Variants in ZNF276 observed in about 807,000 individuals in gnomAD.
ZNF276 encodes zinc finger protein 276, also known as centromere protein Z.
In ZNF276, 59 loss-of-function variants were observed where a neutral mutation model predicts 63.9. The ratio of observed to expected loss-of-function variants is 0.92; its 90% CI spans 0.75 to 1.15. ZNF276 has a LOEUF of 1.15. ZNF276 is among the 50% of genes most tolerant of loss of function. The pLI, the probability that ZNF276 is intolerant of heterozygous loss-of-function variation, is 0.00. For missense variants in ZNF276, 1,084 were observed against 843.8 expected (o/e 1.28, Z -3.53); for synonymous variants, 496 against 348.4 (o/e 1.42, Z -4.72).
At position 89,733,998 on chromosome 16, in the gene ZNF276, C is replaced by A. The variant is rs547301381; in HGVS notation, c.1434C>A (p.Ile478=). ...PHPGCNKVFM[I]DRYLQRHVKL... ...CTGGCTGCAACAAGGTTTTCATGAT[C>A]GACCGCTACCTGCAGCGCCACGTGA... is the stretch of plus-strand genomic sequence containing the variant. Residue 478 remains isoleucine (I), a synonymous_variant, in exon 9 of 11, where the codon ATC becomes ATA. Transcript: ENST00000443381. 1.9e-5 allele frequency: 31 copies of A among 1,614,084 alleles called. No individual in the cohort carries two copies. In the East Asian group the frequency reaches 4.2e-4, roughly 22 times the overall value.
At position 89,739,930 on chromosome 16, in the gene ZNF276, A is replaced by G. The variant is rs762430138; in HGVS notation, c.*1684A>G. 2.5e-6 allele frequency: 4 copies of G among 1,605,686 alleles called. No homozygotes were observed. Among genetic ancestry groups the G allele is most frequent in the Admixed American group, 3.4e-5 (2 of 59,620 alleles). ...CCTCAAGGAGGGCTCGTTCTTAACC[A>G]TTTGCAAGATGCCTCTGAAAAGAGC... On this transcript the variant is annotated 3_prime_UTR_variant, in exon 11 of 11. Transcript: ENST00000443381.
At position 89,737,879 on chromosome 16, in the gene ZNF276, G is replaced by A; in HGVS notation, c.1548G>A (p.Met516Ile). 1 of 1,613,990 alleles carries A rather than the reference G, an allele frequency of 6.2e-7. No individual in the cohort carries two copies. Among genetic ancestry groups the A allele is most frequent in the Non-Finnish European group, 8.5e-7 (1 of 1,180,000 alleles). ...KQRKHLLVHQ[M>I]RHSGAKPLQC... ...GGAAGCACCTTCTCGTCCACCAAATGCGACATTCGGGAGCCAAGCCTTTGC... is the reference window on the plus strand; with the variant it reads ...GGAAGCACCTTCTCGTCCACCAAATACGACATTCGGGAGCCAAGCCTTTGC... The change falls in exon 10 of 11, where the codon ATG becomes ATA. Residue 516 changes from methionine to isoleucine, a missense_variant. By Grantham distance (10) the Met-to-Ile change is conservative. Transcript: ENST00000443381.
chr16:89,723,938 C>T (rs941526337), intron 4 of ZNF276, among the ~76,000 whole-genome samples: 1 of 152,244 alleles, frequency 6.6e-6, no homozygotes, highest in Non-Finnish European at 1.5e-5. Flanking sequence ...GGCTCTGTTC[C>T]AGCAGTTTCT....
At chr16:89,723,107 C>G in intron 2 of ZNF276, 30 bp from the exon 3 acceptor site, 1 of 1,613,122 alleles carries the variant, frequency 6.2e-7, no homozygotes, top group South Asian at 1.1e-5. Flanking sequence ...GCCTGCTTGT[C>G]CTGCTCATGG....
chr16:89,735,642 A>G (rs1475895540), intron 9 of ZNF276, among the ~76,000 whole-genome samples: 1 of 152,054 alleles, frequency 6.6e-6, no homozygotes, highest in Non-Finnish European at 1.5e-5. Context: ...AGGCTAAGGC[A>G]GTAGGATTGC....
At chr16:89,732,560 G>GTT (rs2061688690) in intron 6 of ZNF276, 3 of 163,314 alleles carry the variant, frequency 1.8e-5, no homozygotes, top group Admixed American at 1.8e-4. Flanking sequence ...CTAGTTGTGG[G>GTT]TTTTATGTGT....
At position 89,740,138 on chromosome 16, in the gene ZNF276, C is replaced by T. The variant is rs779242247; in HGVS notation, c.*1892C>T. Reference sequence around the variant, plus strand: ...GAGACCAACCCTGAGAATGGCCGACCTGGTGCTCCCATGGGTAGGAGGGTA... The same window carrying T: ...GAGACCAACCCTGAGAATGGCCGACTTGGTGCTCCCATGGGTAGGAGGGTA... On this transcript the variant is annotated 3_prime_UTR_variant, in exon 11 of 11. Transcript: ENST00000443381. 6.5e-7 allele frequency: 1 copy of T among 1,531,898 alleles called. No homozygotes were observed. Among genetic ancestry groups the T allele is most frequent in the Non-Finnish European group, 9.0e-7 (1 of 1,106,040 alleles). The allele number at this position is 1,531,898 out of a possible 1,614,324, so 94.9% of individuals were successfully genotyped here.
chr16:89,727,772 G>A (rs2061513564), intron 5 of ZNF276, among the ~76,000 whole-genome samples: 1 of 152,194 alleles, frequency 6.6e-6, no homozygotes, highest in South Asian at 2.1e-4. Flanking sequence ...ACTGTTTTAG[G>A]GCCATAGTTT....
Position 89,737,810 on chromosome 16 carries a change from G to T in ZNF276, c.1479G>T (p.Val493=). 6.2e-7 allele frequency: 1 copy of T among 1,614,184 alleles called. No individual in the cohort carries two copies. Reference sequence around the variant, plus strand: ...CACTGGACTCTCCCCTCTCAGAGGTGCGGAACTATATCTGTGACGAATGTG... The same window carrying T: ...CACTGGACTCTCCCCTCTCAGAGGTTCGGAACTATATCTGTGACGAATGTG... ...QRHVKLIHTE[V]RNYICDECGQ... Residue 493 remains valine (V), a synonymous_variant, in exon 10 of 11, where the codon GTG becomes GTT. Transcript: ENST00000443381.
Position 89,740,076 on chromosome 16 carries a change from A to G in ZNF276, c.*1830A>G, listed in dbSNP as rs1336742102. 1.2e-6 allele frequency: 2 copies of G among 1,614,186 alleles called. No homozygotes were observed. Among genetic ancestry groups the G allele is most frequent in the Non-Finnish European group, 1.7e-6 (2 of 1,180,032 alleles). On this transcript the variant is annotated 3_prime_UTR_variant, in exon 11 of 11. Coordinates refer to ENST00000443381, the MANE Select transcript of ZNF276 (RefSeq NM_001113525.2). ...CGAGGATTGCTGCACAAACGTGGAAAGCCTTTGGCAGGTCTGTGGTGCTCT... is the reference window on the plus strand; with the variant it reads ...CGAGGATTGCTGCACAAACGTGGAAGGCCTTTGGCAGGTCTGTGGTGCTCT...
rs548198509 is a variant in ZNF276, at chr16:89,740,255, C to T, written c.*2009C>T. 26 of 714,394 alleles carry T rather than the reference C, an allele frequency of 3.6e-5. No homozygotes were observed. Among genetic ancestry groups the T allele is most frequent in the Non-Finnish European group, 6.0e-5 (24 of 397,216 alleles). The allele number at this position is 714,394 out of a possible 1,614,324, so 44.3% of individuals were successfully genotyped here. On this transcript the variant is annotated 3_prime_UTR_variant, in exon 11 of 11. Transcript: ENST00000443381. Reference sequence around the variant, plus strand: ...TTACCTATAGAAGGTAATACTGGGCCTCTGGACAGAAGAGGCTCAGGTAGG... The same window carrying T: ...TTACCTATAGAAGGTAATACTGGGCTTCTGGACAGAAGAGGCTCAGGTAGG...
intron 9 of ZNF276, 188 bp from the exon 10 acceptor site, chr16:89,737,618 G>C: frequency 8.9e-7 from 1 of 1,127,752 alleles, no homozygotes; most frequent in Non-Finnish European, 1.2e-6. Context: ...GAAGCCACGT[G>C]ACAGTGTATA....
intron 9 of ZNF276, among the ~76,000 whole-genome samples, chr16:89,736,501 T>A (rs1478404486): frequency 1.3e-5 from 2 of 151,790 alleles, no homozygotes; most frequent in Non-Finnish European, 2.9e-5. Flanking sequence ...ATTTTTGTAT[T>A]TTTAGTAGAG....
upstream of ZNF276, chr16:89,720,679 C>G (rs2151650034): frequency 7.8e-7 from 1 of 1,282,694 alleles, no homozygotes; most frequent in East Asian, 3.4e-5. Flanking sequence ...CCAGCCCGAG[C>G]CGGCCCCGTC....
At chr16:89,727,395 C>T (rs763414343) in intron 5 of ZNF276, 38 bp downstream of exon 5, 4 of 1,594,036 alleles carry the variant, frequency 2.5e-6, no homozygotes, top group Non-Finnish European at 3.4e-6. Flanking sequence ...TAAAATTTCT[C>T]CTTCAAAAAC....
In ZNF276 at chr16:89,738,863, G is replaced by T. The variant is rs1272834434; in HGVS notation, c.*617G>T. The T allele has an allele frequency of 1.9e-6, 3 of 1,614,128 alleles. No homozygotes were observed. The African/African-American group carries it at 4.0e-5, about 22-fold the overall frequency. On this transcript the variant is annotated 3_prime_UTR_variant, in exon 11 of 11. Transcript: ENST00000443381. ...TCTCATGTCCCCCACATGGCCCAAG[G>T]TGGGCATCTTGACGTTACCTCTGCC...
Position 89,721,776 on chromosome 16 carries a change from A to ACGGCG in ZNF276, c.144_148dup (p.Ala50GlyfsTer141). The ACGGCG allele has an allele frequency of 1.6e-6, 2 of 1,263,902 alleles. No homozygotes were observed. Among genetic ancestry groups the ACGGCG allele is most frequent in the African/African-American group, 1.6e-5 (1 of 64,226 alleles). 78.3% of individuals were successfully genotyped at this position (1,263,902 alleles called of 1,614,324 possible). Reference sequence around the variant, plus strand: ...CGGTGGGCCGAGGGTGGACGGGGCGACGGCGCGGCGCGCCTGGGGCCCGGT... The same window carrying ACGGCG: ...CGGTGGGCCGAGGGTGGACGGGGCGACGGCGCGGCGCGGCGCGCCTGGGGCCCGGT... On this transcript the variant is annotated frameshift_variant, in exon 1 of 11. Coordinates refer to ENST00000443381, the MANE Select transcript of ZNF276 (RefSeq NM_001113525.2). LOFTEE classifies it high-confidence loss of function.
chr16:89,733,014 TCTG>T, intron 6 of ZNF276: 1 of 293,818 alleles, frequency 3.4e-6, no homozygotes, highest in Non-Finnish European at 6.9e-6. Context: ...GCCCTCGCCC[TCTG>T]CTGTGTTTGC....
chr16:89,723,445 T>A lies in ZNF276; in HGVS notation c.742T>A (p.Cys248Ser). 7 of 1,613,038 alleles carry A rather than the reference T, an allele frequency of 4.3e-6. No homozygotes were observed. Among genetic ancestry groups the A allele is most frequent in the Non-Finnish European group, 5.9e-6 (7 of 1,180,030 alleles). The part of the protein sequence containing the change: ...HDYTMDTSSS[C>S]KAFLLDSALA... Reference sequence around the variant, plus strand: ...CTACACCATGGATACCAGCTCCAGCTGCAAGGCCTTCTTGCTGGACAGTGC... The same window carrying A: ...CTACACCATGGATACCAGCTCCAGCAGCAAGGCCTTCTTGCTGGACAGTGC... The change falls in exon 4 of 11, where the codon TGC becomes AGC. Residue 248 changes from cysteine to serine, a missense_variant. Coordinates refer to ENST00000443381, the MANE Select transcript of ZNF276 (RefSeq NM_001113525.2).
Sources: gnomAD v4.1 joint callset for allele counts (sites outside exome capture counted in the v4.1 genomes callset) on GRCh38, gnomAD v4.1.1 for gene constraint, MANE v1.5 for transcripts, NCBI Gene and HGNC (gene_info 2026-07-23, HGNC 2026-07-21) for gene names.